The following ZC2HC1A variants were observed in gnomAD, a reference collection of about 807,000 sequenced individuals.
ZC2HC1A encodes the protein zinc finger C2HC domain-containing protein 1A.
ZC2HC1A carries 28 observed loss-of-function variants against 40.7 expected under a neutral mutation model. The observed-to-expected ratio is 0.69, with a 90% CI of 0.51 to 0.94. ZC2HC1A has a LOEUF of 0.94. Among genes scored for constraint, ZC2HC1A ranks in the 40% least tolerant of loss-of-function variants. The pLI is 0.00. For missense variants in ZC2HC1A, 389 were observed against 386.3 expected (o/e 1.01, Z -0.06); for synonymous variants, 129 against 129.2 (o/e 1.00, Z 0.01).
At chr8:78,711,128 C>A (rs1810937432) in intron 7 of ZC2HC1A, among the ~76,000 whole-genome samples, 1 of 152,104 alleles carries the variant, frequency 6.6e-6, no homozygotes, top group East Asian at 1.9e-4. Context: ...GAGCAAATAT[C>A]TCTTAAAAAG....
At chr8:78,677,189 A>T (rs1382079043) in intron 2 of ZC2HC1A, among the ~76,000 whole-genome samples, 1 of 152,142 alleles carries the variant, frequency 6.6e-6, no homozygotes, top group African/African-American at 2.4e-5. Flanking sequence ...GTCAAAATAC[A>T]AAAGAAAAAA....
chr8:78,685,180 A>G (rs2130478444), intron 3 of ZC2HC1A, among the ~76,000 whole-genome samples: 1 of 152,326 alleles, frequency 6.6e-6, no homozygotes, highest in East Asian at 1.9e-4. Context: ...TAGTGATTAT[A>G]CAGGTGTTAT....
At chr8:78,668,828 A>G (rs1809370413) in intron 1 of ZC2HC1A, among the ~76,000 whole-genome samples, 1 of 152,150 alleles carries the variant, frequency 6.6e-6, no homozygotes, top group African/African-American at 2.4e-5. Context: ...AATCTCTTAT[A>G]AGCTTTTTTT....
At chr8:78,712,766 T>G (rs1001163412) in intron 7 of ZC2HC1A, among the ~76,000 whole-genome samples, 2 of 152,180 alleles carry the variant, frequency 1.3e-5, no homozygotes, top group African/African-American at 4.8e-5. Context: ...GGGTCTCAAT[T>G]CTAGCCCACA....
chr8:78,671,630 G>A (rs1165640211), intron 1 of ZC2HC1A, among the ~76,000 whole-genome samples: 1 of 151,552 alleles, frequency 6.6e-6, no homozygotes, highest in Non-Finnish European at 1.5e-5. Context: ...GCAGATATTA[G>A]CCTCATTTAA....
intron 3 of ZC2HC1A, among the ~76,000 whole-genome samples, chr8:78,686,127 G>T (rs10102877): frequency 6.6e-6 from 1 of 151,930 alleles, no homozygotes; most frequent in Admixed American, 6.6e-5. Context: ...TCCCCACCTC[G>T]TACTACTGTT....
At chr8:78,670,472 C>T (rs1465817311) in intron 1 of ZC2HC1A, among the ~76,000 whole-genome samples, 1 of 152,152 alleles carries the variant, frequency 6.6e-6, no homozygotes, top group African/African-American at 2.4e-5. Flanking sequence ...TAACAACATA[C>T]TAAGCTTCTT....
At chr8:78,696,039 C>T (rs1011604454) in intron 5 of ZC2HC1A, among the ~76,000 whole-genome samples, 2 of 151,574 alleles carry the variant, frequency 1.3e-5, no homozygotes, top group African/African-American at 4.8e-5. Flanking sequence ...ACCAATTTTT[C>T]TTTCTTTTTT....
At chr8:78,714,408 T>C (rs1563641188) in intron 7 of ZC2HC1A, among the ~76,000 whole-genome samples, 1 of 152,184 alleles carries the variant, frequency 6.6e-6, no homozygotes, top group Non-Finnish European at 1.5e-5. Flanking sequence ...GTAGTAATAG[T>C]ATTAGCATCA....
At chr8:78,671,439 C>G (rs1261064815) in intron 1 of ZC2HC1A, among the ~76,000 whole-genome samples, 2 of 152,096 alleles carry the variant, frequency 1.3e-5, no homozygotes, top group African/African-American at 2.4e-5. Flanking sequence ...AATAATCACC[C>G]CTCTGAATAT....
intron 4 of ZC2HC1A, among the ~76,000 whole-genome samples, chr8:78,687,993 A>T (rs1157485006): frequency 6.8e-6 from 1 of 146,292 alleles, no homozygotes; most frequent in Non-Finnish European, 1.5e-5. Flanking sequence ...TTATATATAT[A>T]TAAATATAAA....
intron 7 of ZC2HC1A, among the ~76,000 whole-genome samples, chr8:78,713,088 C>T (rs906377478): frequency 6.6e-6 from 1 of 152,094 alleles, no homozygotes; most frequent in Non-Finnish European, 1.5e-5. Context: ...GTAACAGTGA[C>T]TAGCAGTAAG....
intron 4 of ZC2HC1A, 54 bp from the exon 5 acceptor site, chr8:78,689,168 A>G: frequency 7.7e-7 from 1 of 1,294,172 alleles, no homozygotes; most frequent in Non-Finnish European, 1.0e-6. Context: ...AGATTTTTTA[A>G]TGTCCGTTTC....
intron 5 of ZC2HC1A, among the ~76,000 whole-genome samples, chr8:78,691,300 A>G (rs1318705690): frequency 6.6e-6 from 1 of 152,084 alleles, no homozygotes; most frequent in African/African-American, 2.4e-5. Context: ...TATTGTTTGC[A>G]TAGCATTTAT....
intron 5 of ZC2HC1A, among the ~76,000 whole-genome samples, chr8:78,696,950 T>A (rs940941821): frequency 1.3e-5 from 2 of 152,210 alleles, no homozygotes; most frequent in Non-Finnish European, 2.9e-5. Context: ...TTTGAGGAAG[T>A]TTTTTCCGTT....
chr8:78,680,728 G>A (rs1474108375), intron 3 of ZC2HC1A, among the ~76,000 whole-genome samples: 2 of 152,178 alleles, frequency 1.3e-5, no homozygotes, highest in African/African-American at 2.4e-5. Context: ...CGTAAGAGGA[G>A]GTATAGGAAA....
chr8:78,719,592 AGAT>A lies in ZC2HC1A; in HGVS notation c.*2103_*2105del, dbSNP rs1026522793. On this transcript the variant is annotated 3_prime_UTR_variant, in exon 9 of 9. Transcript: ENST00000263849. ...GTATTTGACAGTATGGTAGAATAAA[AGAT>A]GATTGTAAGATTAAAAATGTAAAAA... 2.6e-5 allele frequency: 4 copies of A among 151,846 alleles called. No individual in the cohort carries two copies. The highest frequency in any genetic ancestry group is 6.6e-5 in the Admixed American group (1 of 15,248). The allele number at this position is 151,846 out of a possible 1,614,324, so 9.4% of individuals were successfully genotyped here. A position where few individuals can be genotyped will look rare whatever the true frequency, so the allele number is the denominator to read the frequency against.
Position 78,695,411 on chromosome 8 carries a change from G to C in ZC2HC1A, c.505-1996G>C, listed in dbSNP as rs186533014. 3.0e-3 allele frequency among the ~76,000 whole-genome samples: 464 copies of C among 152,224 alleles called. 3 individuals are homozygous for C. The highest frequency in any genetic ancestry group is 5.0e-3 in the Non-Finnish European group (340 of 67,998). On this transcript the variant is annotated intron_variant, in intron 5 of 8. Coordinates refer to ENST00000263849, the MANE Select transcript of ZC2HC1A (RefSeq NM_016010.3). ...AATGCTACCAGGAACCTTTCTGCCT[G>C]TTTCCTGCCTAAAGACTTGACCTCT...
intron 7 of ZC2HC1A, among the ~76,000 whole-genome samples, chr8:78,705,073 T>C (rs1810728292): frequency 6.6e-6 from 1 of 152,252 alleles, no homozygotes; most frequent in Non-Finnish European, 1.5e-5. Flanking sequence ...ACTTCGTTCC[T>C]GTCCGTATCC....
Sources: gnomAD v4.1 joint callset for allele counts (sites outside exome capture counted in the v4.1 genomes callset) on GRCh38, gnomAD v4.1.1 for gene constraint, MANE v1.5 for transcripts, NCBI Gene and HGNC (gene_info 2026-07-23, HGNC 2026-07-21) for gene names.